The following SLC44A5 variants were observed in gnomAD, a reference collection of about 807,000 sequenced individuals.
The protein encoded by SLC44A5 is solute carrier family 44 member 5, also known as choline transporter-like protein 5.
In SLC44A5, 57 loss-of-function variants were observed where a neutral mutation model predicts 101.8. The ratio of observed to expected loss-of-function variants is 0.56; its 90% CI spans 0.45 to 0.70. The LOEUF (loss-of-function observed/expected upper bound fraction) is 0.70, where lower values mean the gene tolerates loss of function less well. SLC44A5 is among the 30% of genes least tolerant of loss of function. SLC44A5 has a pLI of 0.00. For synonymous variants in SLC44A5, 281 were observed against 290.9 expected (o/e 0.97, Z 0.35); for missense variants, 737 against 853.1 (o/e 0.86, Z 1.70).
At chr1:75,275,278 C>A (rs1651829995) in intron 5 of SLC44A5, among the ~76,000 whole-genome samples, 1 of 152,102 alleles carries the variant, frequency 6.6e-6, no homozygotes, top group African/African-American at 2.4e-5. Context: ...GTAGCCAAAA[C>A]ATGAGGTAAT....
At chr1:75,427,768 T>A (rs1426184692) in intron 2 of SLC44A5, among the ~76,000 whole-genome samples, 1 of 152,208 alleles carries the variant, frequency 6.6e-6, no homozygotes, top group African/African-American at 2.4e-5. Context: ...ATTTTACACA[T>A]AAAATGATTA....
chr1:75,628,288 A>C, the SLC44A5 span, among the ~76,000 whole-genome samples: 1 of 152,154 alleles, frequency 6.6e-6, no homozygotes, highest in Non-Finnish European at 1.5e-5. Flanking sequence ...AATTGATTTC[A>C]CATATCTGTA....
chr1:75,499,244 G>C (rs189327715), intron 2 of SLC44A5, among the ~76,000 whole-genome samples: 1 of 152,322 alleles, frequency 6.6e-6, no homozygotes, highest in African/African-American at 2.4e-5. Flanking sequence ...GGGGCCGGAA[G>C]GGAGTGGTTT....
chr1:75,488,356 C>T (rs1480615603), intron 2 of SLC44A5, among the ~76,000 whole-genome samples: 2 of 152,122 alleles, frequency 1.3e-5, no homozygotes, highest in African/African-American at 4.8e-5. Flanking sequence ...CAACATATTG[C>T]TGTACTGAAC....
At chr1:75,413,330 A>G (rs1316701834) in intron 2 of SLC44A5, among the ~76,000 whole-genome samples, 1 of 152,148 alleles carries the variant, frequency 6.6e-6, no homozygotes, top group Non-Finnish European at 1.5e-5. Context: ...ATATCCATAA[A>G]CAAGCATATT....
the SLC44A5 span, among the ~76,000 whole-genome samples, chr1:75,647,434 T>C: frequency 6.6e-6 from 1 of 152,090 alleles, no homozygotes; most frequent in Non-Finnish European, 1.5e-5. Context: ...AGCCCCAATA[T>C]AGAGTCCCCA....
At position 75,213,612 on chromosome 1, in the gene SLC44A5, G is replaced by T. The variant is rs1646901863; in HGVS notation, c.1962+93C>A. 8 of 951,336 alleles carry T rather than the reference G, an allele frequency of 8.4e-6. No homozygotes were observed. The South Asian group carries it at 1.2e-4, about 14-fold the overall frequency. The allele number at this position is 951,336 out of a possible 1,614,324, so 58.9% of individuals were successfully genotyped here. On this transcript the variant is annotated intron_variant, in intron 22 of 23. Transcript: ENST00000370859. Reference sequence around the variant, plus strand: ...TTGATCTTGGACTTCCCAGCCTTCAGAACTGTGAGGAATAAATTTCTGTTG... The same window carrying T: ...TTGATCTTGGACTTCCCAGCCTTCATAACTGTGAGGAATAAATTTCTGTTG...
the SLC44A5 span, among the ~76,000 whole-genome samples, chr1:75,703,295 T>C: frequency 5.9e-5 from 9 of 151,756 alleles, no homozygotes; most frequent in African/African-American, 2.2e-4. Context: ...ATTAAGAAAA[T>C]GTGGCACATA....
intron 1 of SLC44A5, among the ~76,000 whole-genome samples, chr1:75,610,735 A>G (rs1222328174): frequency 6.6e-6 from 1 of 152,076 alleles, no homozygotes; most frequent in Non-Finnish European, 1.5e-5. Context: ...GTGAATATTA[A>G]GAGAAGATAC....
At chr1:75,595,754 G>A (rs767257076) in intron 1 of SLC44A5, among the ~76,000 whole-genome samples, 2 of 152,014 alleles carry the variant, frequency 1.3e-5, no homozygotes, top group Non-Finnish European at 2.9e-5. Flanking sequence ...CTAAGTGCTA[G>A]GCACCAATAG....
the SLC44A5 span, among the ~76,000 whole-genome samples, chr1:75,681,892 T>G: frequency 6.6e-6 from 1 of 152,218 alleles, no homozygotes; most frequent in Non-Finnish European, 1.5e-5. Flanking sequence ...CTTAAGCTGA[T>G]AAGCAACTTC....
At chr1:75,619,179 T>TGGAA in the SLC44A5 span, among the ~76,000 whole-genome samples, 75 of 94,308 alleles carry the variant, frequency 8.0e-4, 1 homozygote, top group African/African-American at 2.8e-3. Flanking sequence ...ACAGGGAGGA[T>TGGAA]GGAAGGAAGG....
chr1:75,615,536 C>G (rs12131021), upstream of SLC44A5, among the ~76,000 whole-genome samples: 789 of 151,598 alleles, frequency 5.2e-3, 11 homozygotes, highest in African/African-American at 0.018. Flanking sequence ...CCAGTCGCTT[C>G]TCTCCCCACT....
chr1:75,249,341 G>A (rs1017342644), intron 7 of SLC44A5, among the ~76,000 whole-genome samples: 1 of 152,058 alleles, frequency 6.6e-6, no homozygotes, highest in African/African-American at 2.4e-5. Context: ...TGTAATGCTA[G>A]AAAAAATCAT....
chr1:75,303,087 T>C (rs943592060), intron 4 of SLC44A5, among the ~76,000 whole-genome samples: 1 of 152,182 alleles, frequency 6.6e-6, no homozygotes, highest in Non-Finnish European at 1.5e-5. Context: ...CTATGTTACA[T>C]ACTATTATAA....
intron 23 of SLC44A5, among the ~76,000 whole-genome samples, chr1:75,209,195 A>C (rs550781784): frequency 6.6e-6 from 1 of 152,336 alleles, no homozygotes; most frequent in South Asian, 2.1e-4. Flanking sequence ...GATGGTGGAA[A>C]ACATTTCTTA....
intron 23 of SLC44A5, chr1:75,206,862 C>T: frequency 1.8e-6 from 1 of 552,128 alleles, no homozygotes; most frequent in Non-Finnish European, 3.2e-6. Context: ...GTGCAGTTTA[C>T]TTGCTGATTC....
intron 6 of SLC44A5, among the ~76,000 whole-genome samples, chr1:75,268,086 T>C (rs1651149028): frequency 1.3e-5 from 2 of 152,202 alleles, no homozygotes; most frequent in African/African-American, 4.8e-5. Context: ...ACAGAAAATA[T>C]GACTTCTACC....
intron 2 of SLC44A5, among the ~76,000 whole-genome samples, chr1:75,457,784 G>A (rs1190558794): frequency 2.0e-5 from 3 of 152,078 alleles, no homozygotes; most frequent in Non-Finnish European, 2.9e-5. Flanking sequence ...TTGAACCCGC[G>A]AGGCGGAGGT....
Sources: gnomAD v4.1 joint callset for allele counts (sites outside exome capture counted in the v4.1 genomes callset) on GRCh38, gnomAD v4.1.1 for gene constraint, MANE v1.5 for transcripts, NCBI Gene and HGNC (gene_info 2026-07-23, HGNC 2026-07-21) for gene names.